BCL2: variants seen among roughly 807,000 people sequenced by gnomAD.
BCL2 encodes BCL2 apoptosis regulator.
A neutral mutation model predicts 14.2 loss-of-function variants in BCL2; 1 was observed. The observed-to-expected ratio is 0.07, with a 90% CI of 0.02 to 0.33. The LOEUF is 0.33. Among genes scored for constraint, BCL2 ranks in the 10% least tolerant of loss-of-function variants. The pLI is 0.99. For synonymous variants in BCL2, 151 were observed against 137.2 expected, an observed-to-expected ratio of 1.10 and a Z score of -0.70; for missense variants, 247 against 305.9, an observed-to-expected ratio of 0.81 and a Z score of 1.44.
chr18:63,180,557 G>A (rs2093599019), intron 2 of BCL2, among the ~76,000 whole-genome samples: 1 of 150,636 alleles, frequency 6.6e-6, no homozygotes. Context: ...TCTCCATGGC[G>A]TTTTCCACTT....
At chr18:63,232,125 A>T (rs1568241361) in intron 2 of BCL2, among the ~76,000 whole-genome samples, 1 of 152,186 alleles carries the variant, frequency 6.6e-6, no homozygotes, top group Non-Finnish European at 1.5e-5. Context: ...GGAGAAAAAA[A>T]ATAGATCACT....
intron 2 of BCL2, among the ~76,000 whole-genome samples, chr18:63,204,933 C>T (rs191902652): frequency 2.7e-4 from 41 of 152,106 alleles, no homozygotes; most frequent in African/African-American, 8.4e-4. Context: ...CATGGATGGG[C>T]GCTGGATATA....
chr18:63,184,331 C>T (rs1915542433), intron 2 of BCL2, among the ~76,000 whole-genome samples: 1 of 152,248 alleles, frequency 6.6e-6, no homozygotes, highest in African/African-American at 2.4e-5. Flanking sequence ...GCAGAGAGAG[C>T]ATGGGCTGGC....
At chr18:63,305,580 T>C (rs1013543944) in intron 2 of BCL2, among the ~76,000 whole-genome samples, 1 of 152,066 alleles carries the variant, frequency 6.6e-6, no homozygotes, top group Non-Finnish European at 1.5e-5. Flanking sequence ...AACTTTAAAA[T>C]CCTACGTAAA....
intron 2 of BCL2, among the ~76,000 whole-genome samples, chr18:63,169,246 G>GTTTTTC (rs1555697303): frequency 7.6e-6 from 1 of 131,206 alleles, no homozygotes; most frequent in Non-Finnish European, 1.6e-5. Context: ...TCCCCTTCGT[G>GTTTTTC]TTTTTCTTTC....
At chr18:63,205,446 CAG>C (rs1324677180) in intron 2 of BCL2, among the ~76,000 whole-genome samples, 11 of 152,338 alleles carry the variant, frequency 7.2e-5, no homozygotes, top group African/African-American at 2.6e-4. Flanking sequence ...ACCTCACTAA[CAG>C]TGTCTGTTGT....
chr18:63,190,312 T>A (rs895484928), intron 2 of BCL2, among the ~76,000 whole-genome samples: 4 of 152,156 alleles, frequency 2.6e-5, no homozygotes, highest in Admixed American at 1.3e-4. Context: ...CTTGACAAAA[T>A]GATTCCATGC....
chr18:63,266,510 T>C (rs554899096), intron 2 of BCL2, among the ~76,000 whole-genome samples: 286 of 151,686 alleles, frequency 1.9e-3, no homozygotes, highest in African/African-American at 6.8e-3. Context: ...TTATAATATG[T>C]GCTTCTATTG....
intron 2 of BCL2, among the ~76,000 whole-genome samples, chr18:63,296,832 T>C (rs570218039): frequency 1.3e-5 from 2 of 152,172 alleles, no homozygotes; most frequent in African/African-American, 4.8e-5. Flanking sequence ...TCCTCCTATA[T>C]AGTAATATCC....
At chr18:63,228,443 T>C (rs1363209380) in intron 2 of BCL2, among the ~76,000 whole-genome samples, 2 of 152,212 alleles carry the variant, frequency 1.3e-5, no homozygotes, top group Non-Finnish European at 2.9e-5. Flanking sequence ...CATAACTTTA[T>C]CTACCTCACC....
intron 2 of BCL2, among the ~76,000 whole-genome samples, chr18:63,268,204 G>C (rs961700509): frequency 6.6e-6 from 1 of 152,196 alleles, no homozygotes; most frequent in East Asian, 1.9e-4. Flanking sequence ...GGAACACCAA[G>C]TGTATGCCTC....
chr18:63,195,035 T>C (rs539836975), intron 2 of BCL2, among the ~76,000 whole-genome samples: 57 of 152,330 alleles, frequency 3.7e-4, no homozygotes, highest in African/African-American at 1.3e-3. Flanking sequence ...ATTATGATTC[T>C]AGAATTATGT....
intron 2 of BCL2, among the ~76,000 whole-genome samples, chr18:63,312,672 A>C (rs2144309387): frequency 6.6e-6 from 1 of 152,316 alleles, no homozygotes; most frequent in South Asian, 2.1e-4. Context: ...AACAAAACAG[A>C]AGCTTTTTTT....
intron 2 of BCL2, among the ~76,000 whole-genome samples, chr18:63,164,883 ATAG>A (rs1915005951): frequency 6.6e-6 from 1 of 152,210 alleles, no homozygotes; most frequent in Non-Finnish European, 1.5e-5. Flanking sequence ...AAGTCAATTA[ATAG>A]AAGAATATTT....
intron 2 of BCL2, among the ~76,000 whole-genome samples, chr18:63,240,996 C>T (rs4987762): frequency 0.014 from 2,194 of 152,334 alleles, 51 homozygotes; most frequent in African/African-American, 0.049. Context: ...CAGTGAAAAA[C>T]CAGATAGCAA....
chr18:63,273,016 T>TAA (rs1912046876), intron 2 of BCL2, among the ~76,000 whole-genome samples: 1 of 141,708 alleles, frequency 7.1e-6, no homozygotes, highest in African/African-American at 2.7e-5. Context: ...AGACAGAGAT[T>TAA]GAAAAAAAAA....
chr18:63,306,170 G>A (rs1053369565), intron 2 of BCL2, among the ~76,000 whole-genome samples: 1 of 152,184 alleles, frequency 6.6e-6, no homozygotes. Flanking sequence ...TGTACAGAAA[G>A]ACCAGCAAAG....
At chr18:63,182,690 C>T (rs1287946074) in intron 2 of BCL2, among the ~76,000 whole-genome samples, 1 of 152,172 alleles carries the variant, frequency 6.6e-6, no homozygotes, top group Non-Finnish European at 1.5e-5. Context: ...CTTCATTGGC[C>T]CATTCTGCAA....
chr18:63,283,550 C>T (rs963502492), intron 2 of BCL2, among the ~76,000 whole-genome samples: 1 of 152,176 alleles, frequency 6.6e-6, no homozygotes, highest in African/African-American at 2.4e-5. Context: ...ACTGTATCTG[C>T]GCTTCTTCTT....
Sources: allele counts gnomAD v4.1 joint callset (sites outside exome capture counted in the v4.1 genomes callset), GRCh38; gene constraint gnomAD v4.1.1; transcripts MANE v1.5; gene names NCBI Gene and HGNC (gene_info 2026-07-23, HGNC 2026-07-21).